Variants in GGTA1 observed in about 807,000 individuals in gnomAD.
GGTA1 encodes the protein glycoprotein alpha-galactosyltransferase 1 (inactive), also known as inactive N-acetyllactosaminide alpha-1,3-galactosyltransferase.
GGTA1 carries 5 observed loss-of-function variants against 2.6 expected under a neutral mutation model. The ratio of observed to expected loss-of-function variants is 1.92; its 90% CI spans 1.00 to 4.04. The LOEUF (loss-of-function observed/expected upper bound fraction) is 4.04. Ranked by LOEUF, GGTA1 falls within the 30% of genes most tolerant of loss-of-function variation. The pLI is 0.00. For missense variants in GGTA1, 50 were observed against 16.7 expected, an observed-to-expected ratio of 2.99 and a Z score of -3.47; for synonymous variants, 17 against 5.0, an observed-to-expected ratio of 3.38 and a Z score of -3.19.
intron 1 of GGTA1, among the ~76,000 whole-genome samples, chr9:121,485,311 G>A (rs1828736407): frequency 1.3e-5 from 2 of 152,082 alleles, no homozygotes; most frequent in African/African-American, 4.8e-5. Flanking sequence ...CAGGAAAACC[G>A]TGAGGAGCTG....
At chr9:121,497,720 G>A (rs917112172) in intron 1 of GGTA1, among the ~76,000 whole-genome samples, 7 of 152,120 alleles carry the variant, frequency 4.6e-5, no homozygotes, top group Non-Finnish European at 1.0e-4. Flanking sequence ...TTGGGCCAGG[G>A]AACCTCATTA....
intron 1 of GGTA1, among the ~76,000 whole-genome samples, chr9:121,473,467 C>T (rs1828438427): frequency 6.6e-6 from 1 of 152,086 alleles, no homozygotes; most frequent in African/African-American, 2.4e-5. Context: ...GGCAGGGTGG[C>T]CAATGGGTCT....
chr9:121,493,972 G>A (rs1828933857), intron 1 of GGTA1, among the ~76,000 whole-genome samples: 1 of 151,954 alleles, frequency 6.6e-6, no homozygotes, highest in Non-Finnish European at 1.5e-5. Flanking sequence ...GACTAGGCTG[G>A]TCTCGAACTC....
At chr9:121,457,104 A>C (rs1401736967) in intron 5 of GGTA1, among the ~76,000 whole-genome samples, 10 of 152,226 alleles carry the variant, frequency 6.6e-5, no homozygotes, top group Admixed American at 3.9e-4. Context: ...TGAAGTAGAA[A>C]GGATTTCGGA....
intron 2 of GGTA1, among the ~76,000 whole-genome samples, chr9:121,466,001 A>T (rs1440071827): frequency 6.6e-6 from 1 of 152,074 alleles, no homozygotes; most frequent in Non-Finnish European, 1.5e-5. Flanking sequence ...CTGCAGCCTC[A>T]ACCTCTCAGG....
intron 1 of GGTA1, chr9:121,479,007 G>T (rs1371172101): frequency 2.2e-6 from 1 of 448,150 alleles, no homozygotes; most frequent in African/African-American, 2.0e-5. Context: ...ACTCCAGGCT[G>T]CAGCTTGGCT....
intron 1 of GGTA1, among the ~76,000 whole-genome samples, chr9:121,491,120 C>T (rs955835576): frequency 6.6e-6 from 1 of 152,112 alleles, no homozygotes; most frequent in Non-Finnish European, 1.5e-5. Flanking sequence ...TTTAGGCAAC[C>T]ACAAGCAAAC....
chr9:121,489,508 A>T (rs1321528020), intron 1 of GGTA1, among the ~76,000 whole-genome samples: 1 of 152,234 alleles, frequency 6.6e-6, no homozygotes, highest in East Asian at 1.9e-4. Context: ...TCTTGAAGTT[A>T]CTTACATCTA....
intron 1 of GGTA1, among the ~76,000 whole-genome samples, chr9:121,473,185 C>T (rs183450239): frequency 5.9e-5 from 9 of 151,862 alleles, no homozygotes; most frequent in Admixed American, 1.3e-4. Context: ...CTGGGTGTTG[C>T]GGCACATGCC....
At position 121,480,949 on chromosome 9, in the gene GGTA1, C is replaced by T. The variant is rs570991684; in HGVS notation, c.-9-13018G>A. ...CGGGTGGACCATGAGGTCAGGAGATCGAGATCATCCTGGCTAACACGGTGA... is the reference window on the plus strand; with the variant it reads ...CGGGTGGACCATGAGGTCAGGAGATTGAGATCATCCTGGCTAACACGGTGA... On this transcript the variant is annotated intron_variant, in intron 1 of 5. Transcript: ENST00000481799. 1.9e-3 allele frequency among the ~76,000 whole-genome samples: 286 copies of T among 151,508 alleles called. 1 individual carries two copies. Among genetic ancestry groups the T allele is most frequent in the Middle Eastern group, 6.8e-3 (2 of 292 alleles).
intron 1 of GGTA1, among the ~76,000 whole-genome samples, chr9:121,497,626 G>A (rs1427718867): frequency 6.6e-6 from 1 of 152,102 alleles, no homozygotes; most frequent in Non-Finnish European, 1.5e-5. Flanking sequence ...GGCGCAGAAT[G>A]GGGACAGAGA....
intron 1 of GGTA1, among the ~76,000 whole-genome samples, chr9:121,480,507 C>A (rs780043077): frequency 8.5e-5 from 13 of 152,162 alleles, no homozygotes; most frequent in Non-Finnish European, 5.9e-5. Context: ...CATCCTCCCA[C>A]GTGGCTGAGA....
At chr9:121,493,268 C>T (rs535690954) in intron 1 of GGTA1, among the ~76,000 whole-genome samples, 1 of 152,182 alleles carries the variant, frequency 6.6e-6, no homozygotes, top group South Asian at 2.1e-4. Context: ...CCTGCTATGC[C>T]CCAGGGAAGG....
intron 3 of GGTA1, among the ~76,000 whole-genome samples, chr9:121,461,685 C>T (rs1178915479): frequency 6.6e-6 from 1 of 152,116 alleles, no homozygotes; most frequent in Non-Finnish European, 1.5e-5. Flanking sequence ...TGACTTTCTC[C>T]TCCAAAAAGT....
At chr9:121,481,721 G>C (rs866183086) in intron 1 of GGTA1, among the ~76,000 whole-genome samples, 1 of 147,314 alleles carries the variant, frequency 6.8e-6, no homozygotes, top group Admixed American at 6.8e-5. Context: ...AAGTGGCCAG[G>C]CACGGTGGCT....
intron 1 of GGTA1, among the ~76,000 whole-genome samples, chr9:121,496,757 A>AAAAAAAAAAAAAAAGAGAG (rs1554838784): frequency 8.9e-6 from 1 of 111,916 alleles, no homozygotes; most frequent in Non-Finnish European, 2.1e-5. Context: ...AAAAAAAAAA[A>AAAAAAAAAAAAAAAGAGAG]AGAGAGAGAG....
chr9:121,455,755 T>G lies in GGTA1; in HGVS notation c.*82A>C, dbSNP rs1330648074. The G allele has an allele frequency of 1.8e-5, 8 of 444,474 alleles. No individual in the cohort carries two copies. The highest frequency in any genetic ancestry group is 3.1e-5 in the Non-Finnish European group (7 of 222,766). The allele number at this position is 444,474 out of a possible 1,614,324, so 27.5% of individuals were successfully genotyped here. ...AGGTGGTCCGCCTGTTACACACTCC[T>G]TAACCGCATGATCTCTCAGTCCAGG... On this transcript the variant is annotated 3_prime_UTR_variant, in exon 6 of 6. Coordinates refer to ENST00000481799, the MANE Select transcript of GGTA1 (RefSeq NM_001382585.1).
intron 5 of GGTA1, among the ~76,000 whole-genome samples, chr9:121,457,973 G>GATCTTGGCTC (rs1424199735): frequency 6.8e-6 from 1 of 147,886 alleles, no homozygotes; most frequent in East Asian, 2.1e-4. Flanking sequence ...GCAGTGGCAT[G>GATCTTGGCTC]ATCTTGGCTC....
chr9:121,499,328 G>T (rs1041791177), intron 1 of GGTA1, among the ~76,000 whole-genome samples: 7 of 151,990 alleles, frequency 4.6e-5, no homozygotes, highest in Non-Finnish European at 1.0e-4. Context: ...TGTGTCCCCT[G>T]CGTCTCCCCT....
Sources: gnomAD v4.1 joint callset for allele counts (sites outside exome capture counted in the v4.1 genomes callset) on GRCh38, gnomAD v4.1.1 for gene constraint, MANE v1.5 for transcripts, NCBI Gene and HGNC (gene_info 2026-07-23, HGNC 2026-07-21) for gene names.